Variants in ZWILCH observed in about 807,000 individuals in gnomAD.
The protein encoded by ZWILCH is protein zwilch homolog.
In ZWILCH, 74 loss-of-function variants were observed where a neutral mutation model predicts 79.9. The observed-to-expected ratio is 0.93, with a 90% CI of 0.77 to 1.12. The LOEUF (loss-of-function observed/expected upper bound fraction) is 1.12, where lower values mean the gene tolerates loss of function less well. Among genes scored for constraint, ZWILCH ranks in the 50% most tolerant of loss-of-function variants. The probability of loss-of-function intolerance (pLI) is 0.00; values close to 1 mark genes in which losing one functional copy is unlikely to be tolerated. For missense variants in ZWILCH, 694 were observed against 687.5 expected (o/e 1.01, Z -0.11); for synonymous variants, 241 against 228.2 (o/e 1.06, Z -0.51).
intron 14 of ZWILCH, among the ~76,000 whole-genome samples, chr15:66,534,306 A>G (rs1424389469): frequency 6.6e-6 from 1 of 152,174 alleles, no homozygotes; most frequent in Non-Finnish European, 1.5e-5. Context: ...TGCATAGGTT[A>G]TATGCAAATA....
At chr15:66,524,728 G>T (rs1894614388) in intron 8 of ZWILCH, among the ~76,000 whole-genome samples, 1 of 152,018 alleles carries the variant, frequency 6.6e-6, no homozygotes, top group South Asian at 2.1e-4. Context: ...ATCTAGCATA[G>T]TACCAACTAT....
At position 66,512,838 on chromosome 15, in the gene ZWILCH, C is replaced by T. The variant is rs530635332; in HGVS notation, c.106-1150C>T. Among the ~76,000 whole-genome samples the T allele has an allele frequency of 3.9e-5, 6 of 152,324 alleles. No individual in the cohort carries two copies. The South Asian group carries it at 1.2e-3, about 32-fold the overall frequency. On this transcript the variant is annotated intron_variant, in intron 2 of 18. Coordinates refer to ENST00000307897, the MANE Select transcript of ZWILCH (RefSeq NM_017975.5). ...TAAGATGGAGTCTTGCTCTGTTGCCCTGGCTGGAGTGCAGTGGCACAATCT... is the reference window on the plus strand; with the variant it reads ...TAAGATGGAGTCTTGCTCTGTTGCCTTGGCTGGAGTGCAGTGGCACAATCT...
chr15:66,540,348 T>C, intron 17 of ZWILCH, 138 bp downstream of exon 17: 1 of 584,624 alleles, frequency 1.7e-6, no homozygotes, highest in South Asian at 2.0e-5. Context: ...GCTCAGGAGT[T>C]TGAGACCAGC....
At position 66,548,647 on chromosome 15, in the gene ZWILCH, A is replaced by C. The variant is rs11858742; in HGVS notation, c.*323A>C. The C allele has an allele frequency of 0.1, 105,418 of 1,021,732 alleles. 6,295 individuals are homozygous for C. The highest frequency in any genetic ancestry group is 0.16 in the Middle Eastern group (772 of 4,892). 63.3% of individuals were successfully genotyped at this position (1,021,732 alleles called of 1,614,324 possible). ...AACGAGCACCACAAATGAGAACAGG[A>C]TCATTTTAGTAAATACAGCTTTATC... On this transcript the variant is annotated 3_prime_UTR_variant, in exon 19 of 19. Transcript: ENST00000307897.
At chr15:66,522,281 A>G (rs1894523170) in intron 7 of ZWILCH, among the ~76,000 whole-genome samples, 1 of 152,086 alleles carries the variant, frequency 6.6e-6, no homozygotes, top group South Asian at 2.1e-4. Flanking sequence ...CCAAAATACT[A>G]TAAACAAAAC....
At chr15:66,544,719 G>GTGTGTGTGTGT (rs1555426538) in intron 17 of ZWILCH, among the ~76,000 whole-genome samples, 2 of 44,806 alleles carry the variant, frequency 4.5e-5, no homozygotes, top group East Asian at 2.8e-3. Flanking sequence ...TTGTTTTTTT[G>GTGTGTGTGTGT]GTTTTTGTGT....
At chr15:66,517,577 A>G (rs1894330735) in intron 4 of ZWILCH, among the ~76,000 whole-genome samples, 2 of 149,702 alleles carry the variant, frequency 1.3e-5, no homozygotes, top group Admixed American at 1.3e-4. Context: ...ATTCTCTTAC[A>G]TAACCATGGA....
intron 2 of ZWILCH, among the ~76,000 whole-genome samples, chr15:66,511,772 C>T (rs571238977): frequency 1.3e-5 from 2 of 152,170 alleles, no homozygotes; most frequent in South Asian, 2.1e-4. Flanking sequence ...CCCACCACCA[C>T]GCCCTGTTAA....
rs775329901 is a variant in ZWILCH at position 66,508,801 on chromosome 15, T to G, written c.54-40T>G. On this transcript the variant is annotated intron_variant, in intron 1 of 18. Transcript: ENST00000307897. ...TCCTGAGTGTGAATAACGGGAGAGA[T>G]AATGTAGTTCTGTTTTTCACATGTG... is the stretch of plus-strand genomic sequence containing the variant. 18 of 1,612,770 alleles carry G rather than the reference T, an allele frequency of 1.1e-5. No homozygotes were observed. In the South Asian group the frequency reaches 1.7e-4, roughly 15 times the overall value.
At chr15:66,536,130 C>A in intron 15 of ZWILCH, 61 bp downstream of exon 15, 1 of 1,421,542 alleles carries the variant, frequency 7.0e-7, no homozygotes, top group Non-Finnish European at 9.5e-7. Context: ...TAGTTACAGC[C>A]TAAATATGTA....
chr15:66,545,153 G>C (rs1215249231), intron 17 of ZWILCH, among the ~76,000 whole-genome samples: 2 of 151,750 alleles, frequency 1.3e-5, no homozygotes, highest in Non-Finnish European at 2.9e-5. Context: ...AGGAGTTCGT[G>C]ACCAGCCTGG....
chr15:66,538,305 T>C (rs548854515), intron 16 of ZWILCH, among the ~76,000 whole-genome samples: 18 of 152,204 alleles, frequency 1.2e-4, no homozygotes, highest in Non-Finnish European at 2.2e-4. Flanking sequence ...ATCCAGTGGA[T>C]GCTTTTCAGT....
Position 66,514,082 on chromosome 15 carries a change from T to G in ZWILCH, c.200T>G (p.Val67Gly), listed in dbSNP as rs765175164. ...GACATAGTATTCATAGTGGAAAAAG[T>G]GGTAAGTACTGGTTTGACTTTGTGG... is the stretch of plus-strand genomic sequence containing the variant. ...ENDIVFIVEK[V>G]PLEKEETSHI... is the part of the protein sequence containing the mutation. Residue 67 changes from valine to glycine, a missense_variant and splice_region_variant, in exon 3 of 19, where the codon GTG (valine) becomes GGG (glycine). Transcript: ENST00000307897. 5 of 1,600,712 alleles carry G rather than the reference T, an allele frequency of 3.1e-6. No individual in the cohort carries two copies. The African/African-American group carries it at 6.7e-5, about 22-fold the overall frequency.
Position 66,550,116 on chromosome 15 carries a change from C to A in ZWILCH, c.*1792C>A. 2 of 1,573,236 alleles carry A rather than the reference C, an allele frequency of 1.3e-6. No homozygotes were observed. The highest frequency in any genetic ancestry group is 1.7e-6 in the Non-Finnish European group (2 of 1,156,554). On this transcript the variant is annotated 3_prime_UTR_variant, in exon 19 of 19. Transcript: ENST00000307897. Reference sequence around the variant, plus strand: ...TACCAACTTTCCACCTAATAAAAACCCACTTGATAAGTAATGTTGTCTTAG... The same window carrying A: ...TACCAACTTTCCACCTAATAAAAACACACTTGATAAGTAATGTTGTCTTAG...
chr15:66,518,929 T>G lies in ZWILCH; in HGVS notation c.371T>G (p.Leu124Trp). The change falls in exon 5 of 19, where the codon TTG becomes TGG. Residue 124 changes from leucine to tryptophan, a missense_variant. By Grantham distance (61) the Leu-to-Trp change is moderately conservative. Coordinates refer to ENST00000307897, the MANE Select transcript of ZWILCH (RefSeq NM_017975.5). ...TMAHNPNMTH[L>W]KINLPVTALP... ...GCTCACAATCCTAATATGACCCATT[T>G]GAAGATTAATCTGCCAGTTACTGCC... 1 of 1,614,252 alleles carries G rather than the reference T, an allele frequency of 6.2e-7. No homozygotes were observed.
At chr15:66,546,804 G>A (rs569443771) in intron 18 of ZWILCH, 99 bp downstream of exon 18, 31 of 512,706 alleles carry the variant, frequency 6.0e-5, no homozygotes, top group African/African-American at 5.9e-4. Flanking sequence ...TGCTACATTA[G>A]GAATAGGGAT....
chr15:66,537,873 C>T (rs574548919), intron 16 of ZWILCH, among the ~76,000 whole-genome samples: 4 of 152,160 alleles, frequency 2.6e-5, no homozygotes, highest in Non-Finnish European at 5.9e-5. Context: ...TCTTCCTTCT[C>T]TCAGACCTCT....
Position 66,546,528 on chromosome 15 carries a change from A to G in ZWILCH, c.1688-63A>G. On this transcript the variant is annotated intron_variant, in intron 17 of 18. Transcript: ENST00000307897. Reference sequence around the variant, plus strand: ...TTATTGTATTGGTGTAAAATTCAGCATTATACATGGTAGAAAAGCAGGGTG... The same window carrying G: ...TTATTGTATTGGTGTAAAATTCAGCGTTATACATGGTAGAAAAGCAGGGTG... 6.4e-6 allele frequency: 7 copies of G among 1,099,760 alleles called. No individual in the cohort carries two copies. In the East Asian group the frequency reaches 7.5e-5, roughly 12 times the overall value. The allele number at this position is 1,099,760 out of a possible 1,614,324, so 68.1% of individuals were successfully genotyped here.
In ZWILCH at chr15:66,528,839, G is replaced by T. The variant is rs761386509; in HGVS notation, c.970-13G>T. 5 of 1,610,730 alleles carry T rather than the reference G, an allele frequency of 3.1e-6. No homozygotes were observed. The South Asian group carries it at 5.5e-5, about 18-fold the overall frequency. On this transcript the variant is annotated splice_polypyrimidine_tract_variant and intron_variant, in intron 10 of 18. Coordinates refer to ENST00000307897, the MANE Select transcript of ZWILCH (RefSeq NM_017975.5). ...AAAAACTGAGTATTCTCTGAAGGTT[G>T]CTTCTTTTTCAGACCTTGAAGCATG...
Sources: allele counts gnomAD v4.1 joint callset (sites outside exome capture counted in the v4.1 genomes callset), GRCh38; gene constraint gnomAD v4.1.1; transcripts MANE v1.5; gene names NCBI Gene and HGNC (gene_info 2026-07-23, HGNC 2026-07-21).